The following ZFP36L1 variants were observed in gnomAD, a reference collection of about 807,000 sequenced individuals.
The protein encoded by ZFP36L1 is mRNA decay activator protein ZFP36L1.
ZFP36L1 carries 4 observed loss-of-function variants against 16.7 expected under a neutral mutation model. The observed-to-expected ratio is 0.24, with a 90% CI of 0.12 to 0.55. ZFP36L1 has a LOEUF of 0.55. Ranked by LOEUF, ZFP36L1 falls within the 20% of genes least tolerant of loss-of-function variation. The pLI, the probability that ZFP36L1 is intolerant of heterozygous loss-of-function variation, is 0.94. For synonymous variants in ZFP36L1, 220 were observed against 190.8 expected, an observed-to-expected ratio of 1.15 and a Z score of -1.26; for missense variants, 311 against 449.2, an observed-to-expected ratio of 0.69 and a Z score of 2.78.
upstream of ZFP36L1, among the ~76,000 whole-genome samples, chr14:68,795,228 G>T (rs1417333449): frequency 6.6e-6 from 1 of 152,192 alleles, no homozygotes. Flanking sequence ...AGTGCGCGTT[G>T]AAACCACAAG....
chr14:68,793,116 CG>C (rs771396433), upstream of ZFP36L1: 17 of 1,351,114 alleles, frequency 1.3e-5, no homozygotes, highest in East Asian at 7.1e-5. Context: ...TTTGGTGGGC[CG>C]GGGGGAGGAG....
chr14:68,790,505 G>C lies in ZFP36L1; in HGVS notation c.58-13C>G, dbSNP rs1472483628. Reference sequence around the variant, plus strand: ...GCATCTTGTTACCCTGGAGAGAGAAGAGAAAGGATGGTAAGGACAGAGGAC... The same window carrying C: ...GCATCTTGTTACCCTGGAGAGAGAACAGAAAGGATGGTAAGGACAGAGGAC... On this transcript the variant is annotated splice_polypyrimidine_tract_variant and intron_variant, in intron 1 of 1. Coordinates refer to ENST00000439696, the MANE Select transcript of ZFP36L1 (RefSeq NM_004926.4). 1 of 1,613,586 alleles carries C rather than the reference G, an allele frequency of 6.2e-7. No homozygotes were observed. Among genetic ancestry groups the C allele is most frequent in the Middle Eastern group, 1.6e-4 (1 of 6,062 alleles).
chr14:68,794,397 T>C (rs996709934), upstream of ZFP36L1: 8 of 152,158 alleles, frequency 5.3e-5, no homozygotes, highest in Admixed American at 3.9e-4. Flanking sequence ...AATGATAAAA[T>C]ATATACTGTT....
Position 68,789,365 on chromosome 14 carries a change from T to G in ZFP36L1, c.*168A>C. ...GACTTGTCCTTATGTTAGGTGGGGT[T>G]ATGAGGGGGAGAGGGAGGGCACATT... On this transcript the variant is annotated 3_prime_UTR_variant, in exon 2 of 2. Transcript: ENST00000439696. The surrounding 1 kb of genome is among the most constrained non-coding windows in gnomAD (Gnocchi z 4.5). The G allele has an allele frequency of 2.1e-6, 2 of 953,776 alleles. No individual in the cohort carries two copies. Among genetic ancestry groups the G allele is most frequent in the Non-Finnish European group, 3.1e-6 (2 of 655,194 alleles). The allele number at this position is 953,776 out of a possible 1,614,324, so 59.1% of individuals were successfully genotyped here.
At chr14:68,793,703 G>C (rs992947522), upstream of ZFP36L1, 4 of 985,438 alleles carry the variant, frequency 4.1e-6, no homozygotes, top group Non-Finnish European at 4.8e-6. Flanking sequence ...CGGGCAGGCC[G>C]AGGACATTAG....
chr14:68,788,722 C>T lies in ZFP36L1; in HGVS notation c.*811G>A, dbSNP rs1278410844. ...TAGTCCATCTAGCTTCCCCTTCCTC[C>T]CCACTTAAAAAAAAGAAAAAATTAA... On this transcript the variant is annotated 3_prime_UTR_variant, in exon 2 of 2. Coordinates refer to ENST00000439696, the MANE Select transcript of ZFP36L1 (RefSeq NM_004926.4). 6.6e-6 allele frequency: 1 copy of T among 152,392 alleles called. No individual in the cohort carries two copies. The highest frequency in any genetic ancestry group is 1.5e-5 in the Non-Finnish European group (1 of 67,994). 9.4% of individuals were successfully genotyped at this position (152,392 alleles called of 1,614,324 possible).
intron 1 of ZFP36L1, among the ~76,000 whole-genome samples, chr14:68,792,226 C>T (rs548905876): frequency 6.6e-6 from 1 of 151,376 alleles, no homozygotes; most frequent in African/African-American, 2.4e-5. Context: ...CGCAATGCCT[C>T]GGCAACACAG....
upstream of ZFP36L1, chr14:68,793,269 C>A: frequency 9.5e-7 from 1 of 1,049,424 alleles, no homozygotes; most frequent in Non-Finnish European, 1.1e-6. Context: ...GGAGGGGAGA[C>A]GAGAAAAGAA....
In ZFP36L1 at chr14:68,790,228, C is replaced by G. The variant is rs1357834789; in HGVS notation, c.322G>C (p.Gly108Arg). Reference protein sequence around the residue: ...LLPTQKQPGGGQVNSSRYKTE... With the variant: ...LLPTQKQPGGRQVNSSRYKTE... The stretch of plus-strand genomic sequence containing the variant: ...TTGTAGCGGCTGGAGTTGACCTGGC[C>G]GCCCCCGGGCTGCTTCTGGGTGGGC... The change falls in exon 2 of 2, where the codon GGC (glycine) becomes CGC (arginine). Residue 108 changes from glycine (G) to arginine (R), a missense_variant. By Grantham distance (125) the Gly-to-Arg change is moderately radical. Coordinates refer to ENST00000439696, the MANE Select transcript of ZFP36L1 (RefSeq NM_004926.4). 2 of 1,612,726 alleles carry G rather than the reference C, an allele frequency of 1.2e-6. No homozygotes were observed. The highest frequency in any genetic ancestry group is 1.1e-5 in the South Asian group (1 of 91,076).
upstream of ZFP36L1, chr14:68,794,390 G>A (rs1388381500): frequency 6.6e-6 from 1 of 152,190 alleles, no homozygotes; most frequent in African/African-American, 2.4e-5. Context: ...CCTTGAAAAT[G>A]ATAAAATATA....
intron 1 of ZFP36L1, chr14:68,790,980 G>C: frequency 2.9e-6 from 2 of 692,592 alleles, no homozygotes; most frequent in Non-Finnish European, 5.3e-6. Context: ...CCTCCTTCAA[G>C]ACCTGGCCTA....
chr14:68,789,676 G>T lies in ZFP36L1; in HGVS notation c.874C>A (p.Pro292Thr). 1.2e-6 allele frequency: 2 copies of T among 1,614,044 alleles called. No individual in the cohort carries two copies. ...MSESPHMFDS[P>T]PSPQDSLSDQ... Reference sequence around the variant, plus strand: ...GAGAGAGAATCCTGAGGGCTGGGGGGAGAGTCAAACATGTGAGGGGACTCG... The same window carrying T: ...GAGAGAGAATCCTGAGGGCTGGGGGTAGAGTCAAACATGTGAGGGGACTCG... The change falls in exon 2 of 2, where the codon CCC (proline) becomes ACC (threonine). Residue 292 changes from proline to threonine, a missense_variant. By Grantham distance (38) the Pro-to-Thr change is conservative (BLOSUM62 -1). Coordinates refer to ENST00000439696, the MANE Select transcript of ZFP36L1 (RefSeq NM_004926.4). This position sits in a 1 kb window ranked among gnomAD's most constrained non-coding sequence, Gnocchi z 4.5.
rs750648602 is a variant in ZFP36L1 at position 68,790,157 on chromosome 14, G to A, written c.393C>T (p.Tyr131=). ...CGTGTGCGAACTGGCACTTGTCCCC[G>A]TACTTACAGGCACCGTTTTCCTCAA... ...RPFEENGACK[Y]GDKCQFAHGI... is the part of the protein sequence containing the mutation. Residue 131 remains tyrosine (Y), a synonymous_variant, in exon 2 of 2, where the codon TAC becomes TAT. Transcript: ENST00000439696. 1.2e-5 allele frequency: 19 copies of A among 1,611,912 alleles called. No individual in the cohort carries two copies. The highest frequency in any genetic ancestry group is 4.0e-5 in the African/African-American group (3 of 74,856).
At chr14:68,791,343 T>G in intron 1 of ZFP36L1, 1 of 481,486 alleles carries the variant, frequency 2.1e-6, no homozygotes, top group South Asian at 3.4e-5. Context: ...CCAACCCCCC[T>G]ACCCACCTCC....
chr14:68,787,926 TTC>T lies in ZFP36L1; in HGVS notation c.*1605_*1606del, dbSNP rs1033300090. On this transcript the variant is annotated 3_prime_UTR_variant, in exon 2 of 2. Transcript: ENST00000439696. Reference sequence around the variant, plus strand: ...GATGGGCACGTGGAAGTCAAAGGGTTTCTCTTTTTTTTTTTTTCCCCTTTTAG... The same window carrying T: ...GATGGGCACGTGGAAGTCAAAGGGTTTCTTTTTTTTTTTTTCCCCTTTTAG... The T allele has an allele frequency of 1.5e-5, 2 of 130,604 alleles. No homozygotes were observed. The highest frequency in any genetic ancestry group is 5.4e-5 in the African/African-American group (2 of 37,224). 8.1% of individuals were successfully genotyped at this position (130,604 alleles called of 1,614,324 possible).
chr14:68,796,160 C>T (rs772157649), upstream of ZFP36L1: 2 of 1,366,364 alleles, frequency 1.5e-6, no homozygotes, highest in Non-Finnish European at 2.0e-6. Flanking sequence ...TCGCCTGGAG[C>T]GCGTCCCTTC....
chr14:68,791,430 G>A (rs530535647), intron 1 of ZFP36L1, among the ~76,000 whole-genome samples: 1 of 152,226 alleles, frequency 6.6e-6, no homozygotes, highest in African/African-American at 2.4e-5. Flanking sequence ...ATAGGACCCT[G>A]GTCACCTGCC....
chr14:68,791,471 A>G (rs1417992601), intron 1 of ZFP36L1, among the ~76,000 whole-genome samples: 2 of 152,124 alleles, frequency 1.3e-5, no homozygotes, highest in Admixed American at 1.3e-4. Flanking sequence ...GAAATGGTGC[A>G]GGTCAGGGAC....
chr14:68,790,013 A>C lies in ZFP36L1; in HGVS notation c.537T>G (p.Ala179=), dbSNP rs1223868591. The C allele has an allele frequency of 1.2e-6, 2 of 1,609,332 alleles. No individual in the cohort carries two copies. Among genetic ancestry groups the C allele is most frequent in the Admixed American group, 3.4e-5 (2 of 59,144 alleles). ...YGPRCHFIHN[A]EERRALAGAR... ...CCCCGGCCAGGGCACGGCGCTCTTC[A>C]GCGTTGTGGATGAAGTGGCAGCGGG... The change falls in exon 2 of 2, where the codon GCT becomes GCG. Residue 179 remains alanine (A), a synonymous_variant. Transcript: ENST00000439696.
Sources: allele counts gnomAD v4.1 joint callset (sites outside exome capture counted in the v4.1 genomes callset), GRCh38; gene constraint gnomAD v4.1.1; non-coding constraint Gnocchi (gnomAD v3.1); transcripts MANE v1.5; gene names NCBI Gene and HGNC (gene_info 2026-07-23, HGNC 2026-07-21).